Variants in ADAMTSL3 observed in about 807,000 individuals in gnomAD.
The protein encoded by ADAMTSL3 is ADAMTS like 3, also known as ADAMTS-like protein 3.
Under a neutral mutation model 201.7 loss-of-function variants are expected in ADAMTSL3, and 128 were observed. The observed-to-expected ratio is 0.63, with a 90% CI of 0.55 to 0.73. The LOEUF is 0.73. Ranked by LOEUF, ADAMTSL3 falls within the 30% of genes least tolerant of loss-of-function variation. The pLI is 0.00. For synonymous variants in ADAMTSL3, 738 were observed against 748.4 expected (o/e 0.99, Z 0.23); for missense variants, 1,990 against 2,119.6 (o/e 0.94, Z 1.20).
At chr15:83,710,322 A>C (rs1320562514) in intron 3 of ADAMTSL3, among the ~76,000 whole-genome samples, 1 of 152,098 alleles carries the variant, frequency 6.6e-6, no homozygotes, top group Non-Finnish European at 1.5e-5. Context: ...TCCAGACTTA[A>C]AAATGCTTTT....
intron 7 of ADAMTSL3, among the ~76,000 whole-genome samples, chr15:83,854,591 C>T (rs2064691655): frequency 6.6e-6 from 1 of 152,200 alleles, no homozygotes; most frequent in African/African-American, 2.4e-5. Flanking sequence ...GATGCCTTGA[C>T]AACGTGTAAA....
Position 83,982,405 on chromosome 15 carries a change from C to T in ADAMTSL3, c.2777C>T (p.Pro926Leu). 6.2e-7 allele frequency: 1 copy of T among 1,614,046 alleles called. No individual in the cohort carries two copies. The highest frequency in any genetic ancestry group is 8.5e-7 in the Non-Finnish European group (1 of 1,180,018). The change falls in exon 21 of 30, where the codon CCC (proline) becomes CTC (leucine). Residue 926 changes from proline (P) to leucine (L), a missense_variant. Physicochemically the swap from Pro to Leu is moderately conservative, Grantham distance 98. Transcript: ENST00000286744. ...ATTGGTAGCAGAGCCTATTTGCTGC[C>T]CAACACATCCGTGATTATTAAGTGC... is the stretch of plus-strand genomic sequence containing the variant. ...LTIGSRAYLL[P>L]NTSVIIKCPV...
intron 5 of ADAMTSL3, among the ~76,000 whole-genome samples, chr15:83,816,333 C>T (rs1167411558): frequency 6.6e-6 from 1 of 152,186 alleles, no homozygotes; most frequent in Non-Finnish European, 1.5e-5. Flanking sequence ...CTGGTGTGGA[C>T]CAGATGTTTG....
intron 19 of ADAMTSL3, among the ~76,000 whole-genome samples, chr15:83,947,535 C>T (rs2066676193): frequency 6.6e-6 from 1 of 152,214 alleles, no homozygotes; most frequent in African/African-American, 2.4e-5. Flanking sequence ...TTCTGTGATC[C>T]ACATACCCCT....
intron 19 of ADAMTSL3, among the ~76,000 whole-genome samples, chr15:83,954,456 G>A (rs1316307530): frequency 6.6e-6 from 1 of 152,062 alleles, no homozygotes; most frequent in African/African-American, 2.4e-5. Flanking sequence ...GAATTTGTTT[G>A]AGTTTCCTCA....
At chr15:83,766,589 A>G (rs1399005996) in intron 3 of ADAMTSL3, among the ~76,000 whole-genome samples, 1 of 152,178 alleles carries the variant, frequency 6.6e-6, no homozygotes, top group Admixed American at 6.5e-5. Context: ...GTGAGTGATG[A>G]TAGCTGGGCT....
intron 10 of ADAMTSL3, among the ~76,000 whole-genome samples, chr15:83,889,742 G>A (rs892086089): frequency 3.3e-5 from 5 of 152,162 alleles, no homozygotes; most frequent in African/African-American, 1.2e-4. Flanking sequence ...GCTGGAAACA[G>A]TTCTTAAGAG....
intron 28 of ADAMTSL3, among the ~76,000 whole-genome samples, chr15:84,035,629 T>C (rs1477898177): frequency 6.6e-6 from 1 of 152,232 alleles, no homozygotes; most frequent in Non-Finnish European, 1.5e-5. Context: ...CGTGCAATAC[T>C]CTCAGAGTTC....
Position 83,892,704 on chromosome 15 carries a change from C to T in ADAMTSL3, c.1283C>T (p.Thr428Ile). The change falls in exon 13 of 30, where the codon ACT (threonine) becomes ATT (isoleucine). Residue 428 changes from threonine (T) to isoleucine (I), a missense_variant. By Grantham distance (89) the Thr-to-Ile change is moderately conservative. Coordinates refer to ENST00000286744, the MANE Select transcript of ADAMTSL3 (RefSeq NM_207517.3). ...TTGAGCTGGGAACATAATCCTTGGA[C>T]TGCATGTTCCGTGTCCTGTGGAGGA... ...PLPRWEHNPW[T>I]ACSVSCGGGI... The T allele has an allele frequency of 6.2e-7, 1 of 1,613,798 alleles. No homozygotes were observed.
rs187171009 is a variant in ADAMTSL3, at chr15:83,982,473, G to A, written c.2845G>A (p.Asp949Asn). The A allele has an allele frequency of 5.6e-6, 9 of 1,614,158 alleles. No individual in the cohort carries two copies. In the African/African-American group the frequency reaches 6.7e-5, roughly 12 times the overall value. The change falls in exon 21 of 30, where the codon GAT becomes AAT. Residue 949 changes from aspartate to asparagine, a missense_variant. By Grantham distance (23) the Asp-to-Asn change is conservative. Coordinates refer to ENST00000286744, the MANE Select transcript of ADAMTSL3 (RefSeq NM_207517.3). ...GAAATCTCTGATCCAGTGGGAGAAG[G>A]ATGGCCGTTGCCTGCAGAACTCCAA... ...FQKSLIQWEK[D>N]GRCLQNSKRL...
intron 24 of ADAMTSL3, 90 bp downstream of exon 24, chr15:84,014,814 C>T (rs900253030): frequency 3.5e-5 from 44 of 1,274,426 alleles, no homozygotes; most frequent in Admixed American, 1.1e-4. Context: ...GTTGAGTGAA[C>T]GAGATGGACA....
intron 25 of ADAMTSL3, among the ~76,000 whole-genome samples, chr15:84,017,081 C>A (rs765422821): frequency 9.9e-5 from 15 of 152,058 alleles, no homozygotes; most frequent in Non-Finnish European, 1.6e-4. Flanking sequence ...GACACAAACT[C>A]TTTTTTTAAT....
chr15:83,807,775 A>G (rs190138422), intron 5 of ADAMTSL3, among the ~76,000 whole-genome samples: 2 of 152,342 alleles, frequency 1.3e-5, no homozygotes, highest in Admixed American at 6.5e-5. Flanking sequence ...ACAGCATGAC[A>G]TTGGTGAAAA....
rs1187968726 is a variant in ADAMTSL3, at chr15:83,872,874, C to G, written c.960+1915C>G. ...GCATATTTCTATGAGTTTGTATGTACACACACGTATATGTATATGTATATT... is the reference window on the plus strand; with the variant it reads ...GCATATTTCTATGAGTTTGTATGTAGACACACGTATATGTATATGTATATT... On this transcript the variant is annotated intron_variant, in intron 9 of 29. Transcript: ENST00000286744. Among the ~76,000 whole-genome samples the G allele has an allele frequency of 1.4e-5, 2 of 145,394 alleles. 1 individual carries two copies. Among genetic ancestry groups the G allele is most frequent in the Non-Finnish European group, 3.0e-5 (2 of 66,800 alleles).
intron 8 of ADAMTSL3, among the ~76,000 whole-genome samples, chr15:83,866,558 A>G (rs1164265935): frequency 2.0e-5 from 3 of 151,892 alleles, no homozygotes; most frequent in East Asian, 1.9e-4. Flanking sequence ...GAATTGAACA[A>G]TGAGAACACA....
chr15:83,703,322 C>T (rs1165016880), intron 2 of ADAMTSL3, among the ~76,000 whole-genome samples: 1 of 152,076 alleles, frequency 6.6e-6, no homozygotes. Flanking sequence ...TTAGTTAAGA[C>T]TTTGGGGGAC....
Position 83,821,902 on chromosome 15 carries a change from C to T in ADAMTSL3, c.600+1855C>T, listed in dbSNP as rs868730728. ...CCCCCCAACTCCCTCCCGGATGGGGCGGCTGGCCGGGCAGAGGGGCTCCTC... is the reference window on the plus strand; with the variant it reads ...CCCCCCAACTCCCTCCCGGATGGGGTGGCTGGCCGGGCAGAGGGGCTCCTC... On this transcript the variant is annotated intron_variant, in intron 6 of 29. Transcript: ENST00000286744. Among the ~76,000 whole-genome samples the T allele has an allele frequency of 4.2e-4, 56 of 132,662 alleles. No individual in the cohort carries two copies. In the South Asian group the frequency reaches 0.011, roughly 27 times the overall value. 87.0% of individuals were successfully genotyped at this position (132,662 alleles called of 152,430 possible). A position where few individuals can be genotyped will look rare whatever the true frequency, so the allele number is the denominator to read the frequency against.
chr15:83,752,933 T>C (rs1331090341), intron 3 of ADAMTSL3, among the ~76,000 whole-genome samples: 1 of 152,224 alleles, frequency 6.6e-6, no homozygotes, highest in Non-Finnish European at 1.5e-5. Context: ...ACACCTTCCC[T>C]GAGAATTATG....
At chr15:83,674,951 C>T (rs1021140346) in intron 2 of ADAMTSL3, among the ~76,000 whole-genome samples, 4 of 151,348 alleles carry the variant, frequency 2.6e-5, no homozygotes, top group African/African-American at 9.7e-5. Flanking sequence ...TTGTAAAATT[C>T]TGAACAATCC....
Sources: gnomAD v4.1 joint callset for allele counts (sites outside exome capture counted in the v4.1 genomes callset) on GRCh38, gnomAD v4.1.1 for gene constraint, MANE v1.5 for transcripts, NCBI Gene and HGNC (gene_info 2026-07-23, HGNC 2026-07-21) for gene names.